The following SNTB1 variants were observed in gnomAD, a reference collection of about 807,000 sequenced individuals.
SNTB1 encodes syntrophin beta 1.
Under a neutral mutation model 48.9 loss-of-function variants are expected in SNTB1, and 36 were observed. That is an observed-to-expected ratio of 0.74 (90% CI 0.56 to 0.97). The LOEUF is 0.97. Among genes scored for constraint, SNTB1 ranks in the 50% least tolerant of loss-of-function variants. The probability of loss-of-function intolerance (pLI) is 0.00; values close to 1 mark genes in which losing one functional copy is unlikely to be tolerated. For missense variants in SNTB1, 786 were observed against 703.4 expected (o/e 1.12, Z -1.33); for synonymous variants, 299 against 294.6 (o/e 1.01, Z -0.15).
intron 3 of SNTB1, among the ~76,000 whole-genome samples, chr8:120,627,611 T>C (rs1211503951): frequency 6.6e-6 from 1 of 152,152 alleles, no homozygotes; most frequent in Non-Finnish European, 1.5e-5. Flanking sequence ...AGATATAGGA[T>C]GGATATGGAT....
intron 2 of SNTB1, among the ~76,000 whole-genome samples, chr8:120,659,693 G>C (rs1306707566): frequency 6.6e-6 from 1 of 152,142 alleles, no homozygotes; most frequent in Non-Finnish European, 1.5e-5. Flanking sequence ...ATAGCCTTAT[G>C]AAACATATTT....
chr8:120,576,236 T>C (rs1419947006), intron 3 of SNTB1, among the ~76,000 whole-genome samples: 3 of 152,206 alleles, frequency 2.0e-5, no homozygotes, highest in Non-Finnish European at 2.9e-5. Context: ...GAGGTTAAGA[T>C]TGCTTTTGAC....
intron 3 of SNTB1, among the ~76,000 whole-genome samples, chr8:120,628,467 G>A (rs1363814731): frequency 6.6e-6 from 1 of 152,158 alleles, no homozygotes; most frequent in Non-Finnish European, 1.5e-5. Flanking sequence ...GTTAAAAGAT[G>A]TGAGGCTGGC....
At chr8:120,743,436 C>T (rs1396067953) in intron 1 of SNTB1, among the ~76,000 whole-genome samples, 7 of 152,160 alleles carry the variant, frequency 4.6e-5, no homozygotes, top group African/African-American at 1.7e-4. Flanking sequence ...TAACTGATAT[C>T]CGCAATGCAG....
intron 1 of SNTB1, among the ~76,000 whole-genome samples, chr8:120,701,783 T>C (rs981822130): frequency 2.0e-5 from 3 of 152,220 alleles, no homozygotes; most frequent in African/African-American, 7.2e-5. Context: ...ATTTGAAGGA[T>C]GGCCAAAATG....
At chr8:120,581,004 AT>A (rs1443527005) in intron 3 of SNTB1, among the ~76,000 whole-genome samples, 1 of 150,504 alleles carries the variant, frequency 6.6e-6, no homozygotes, top group African/African-American at 2.5e-5. Flanking sequence ...CCTGAGACTC[AT>A]TTTAATCCAG....
At chr8:120,659,339 C>G (rs1399921631) in intron 2 of SNTB1, among the ~76,000 whole-genome samples, 1 of 152,194 alleles carries the variant, frequency 6.6e-6, no homozygotes, top group Admixed American at 6.5e-5. Flanking sequence ...TAGATTCCAT[C>G]TCAAGAAGCC....
intron 3 of SNTB1, among the ~76,000 whole-genome samples, chr8:120,620,113 T>A (rs574797111): frequency 6.6e-6 from 1 of 152,072 alleles, no homozygotes; most frequent in East Asian, 1.9e-4. Context: ...TATAGTAGCA[T>A]TCACAAATTT....
At chr8:120,703,043 T>G (rs564550805) in intron 1 of SNTB1, among the ~76,000 whole-genome samples, 1 of 152,352 alleles carries the variant, frequency 6.6e-6, no homozygotes, top group East Asian at 1.9e-4. Context: ...GGACATGCAA[T>G]TAGCACAACT....
Position 120,744,865 on chromosome 8 carries a change from A to G in SNTB1, c.572-50957T>C, listed in dbSNP as rs1001606873. On this transcript the variant is annotated intron_variant, in intron 1 of 6. Transcript: ENST00000517992. ...ATATTACATGAAATAATATAATACC[A>G]TAATTTGGTAGATTTTAAAAATATA... is the stretch of plus-strand genomic sequence containing the variant. Among the ~76,000 whole-genome samples, 6 of 152,302 alleles carry G rather than the reference A, an allele frequency of 3.9e-5. No individual in the cohort carries two copies. The South Asian group carries it at 1.2e-3, about 32-fold the overall frequency.
chr8:120,710,407 T>C (rs1818443355), intron 1 of SNTB1, among the ~76,000 whole-genome samples: 2 of 152,188 alleles, frequency 1.3e-5, no homozygotes, highest in African/African-American at 4.8e-5. Context: ...TGAGGAACAT[T>C]TCCTGACCTC....
intron 2 of SNTB1, among the ~76,000 whole-genome samples, chr8:120,668,157 C>G (rs936144195): frequency 2.0e-5 from 3 of 152,200 alleles, no homozygotes; most frequent in African/African-American, 7.2e-5. Context: ...TCCAGACTCT[C>G]AGCTCTGTCT....
At chr8:120,725,450 C>A (rs1319494625) in intron 1 of SNTB1, among the ~76,000 whole-genome samples, 1 of 152,120 alleles carries the variant, frequency 6.6e-6, no homozygotes, top group Non-Finnish European at 1.5e-5. Flanking sequence ...TTTAGGGGAA[C>A]CCAAACTTTG....
At chr8:120,735,155 G>A (rs992260899) in intron 1 of SNTB1, among the ~76,000 whole-genome samples, 26 of 152,298 alleles carry the variant, frequency 1.7e-4, no homozygotes, top group African/African-American at 6.3e-4. Flanking sequence ...GTGACAACCC[G>A]AGGTCAATGC....
Position 120,546,473 on chromosome 8 carries a change from T to TTTTTG in SNTB1, c.1333+2284_1333+2288dup, listed in dbSNP as rs376348506. On this transcript the variant is annotated intron_variant, in intron 5 of 6. Transcript: ENST00000517992. ...TTGATATTACTTTTCCATTCTCTTT[T>TTTTTG]TTTTGTTTTGTTTTGTTTTGAGATG... 5.3e-3 allele frequency among the ~76,000 whole-genome samples: 810 copies of TTTTTG among 152,266 alleles called. 5 individuals are homozygous for TTTTTG. Among genetic ancestry groups the TTTTTG allele is most frequent in the African/African-American group, 0.019 (775 of 41,558 alleles).
At chr8:120,751,101 C>T (rs1457458229) in intron 1 of SNTB1, among the ~76,000 whole-genome samples, 7 of 152,110 alleles carry the variant, frequency 4.6e-5, no homozygotes, top group African/African-American at 1.7e-4. Context: ...AACAGAGAGT[C>T]ACAGAATGGA....
chr8:120,733,117 A>G (rs1430474886), intron 1 of SNTB1, among the ~76,000 whole-genome samples: 1 of 152,236 alleles, frequency 6.6e-6, no homozygotes, highest in Non-Finnish European at 1.5e-5. Flanking sequence ...CAAATCGTGT[A>G]TATGCCAAGT....
At chr8:120,575,804 C>G (rs1439482316) in intron 3 of SNTB1, among the ~76,000 whole-genome samples, 1 of 152,110 alleles carries the variant, frequency 6.6e-6, no homozygotes, top group African/African-American at 2.4e-5. Flanking sequence ...TTTATTAACT[C>G]AAGGGTTGAG....
At chr8:120,754,313 T>C (rs1362106842) in intron 1 of SNTB1, among the ~76,000 whole-genome samples, 1 of 151,958 alleles carries the variant, frequency 6.6e-6, no homozygotes, top group African/African-American at 2.4e-5. Context: ...GGCAACATGG[T>C]GAAAACAAGT....
Sources: allele counts gnomAD v4.1 joint callset (sites outside exome capture counted in the v4.1 genomes callset), GRCh38; gene constraint gnomAD v4.1.1; transcripts MANE v1.5; gene names NCBI Gene and HGNC (gene_info 2026-07-23, HGNC 2026-07-21).